IL1RAPL1: variants seen among roughly 807,000 people sequenced by gnomAD.
The protein encoded by IL1RAPL1 is interleukin 1 receptor accessory protein like 1, also known as interleukin-1 receptor accessory protein-like 1.
A neutral mutation model predicts 48.4 loss-of-function variants in IL1RAPL1; 3 were observed. The ratio of observed to expected loss-of-function variants is 0.06; its 90% CI spans 0.03 to 0.16. The LOEUF (loss-of-function observed/expected upper bound fraction) is 0.16. Ranked by LOEUF, IL1RAPL1 falls within the 10% of genes least tolerant of loss-of-function variation. The pLI is 1.00. For synonymous variants in IL1RAPL1, 185 were observed against 187.7 expected (o/e 0.99, Z 0.12); for missense variants, 349 against 530.6 (o/e 0.66, Z 3.36).
chrX:29,095,620 T>G (rs1433865544), intron 2 of IL1RAPL1, among the ~76,000 whole-genome samples: 1 of 111,755 alleles, frequency 8.9e-6, no homozygotes, highest in African/African-American at 3.2e-5. Flanking sequence ...TCATTGCATG[T>G]ATAACATGGT....
intron 1 of IL1RAPL1, among the ~76,000 whole-genome samples, chrX:28,779,634 GTATATATATATATATATATATATA>G (rs1183080798): frequency 1.0e-4 from 4 of 38,343 alleles, no homozygotes; most frequent in Non-Finnish European, 1.3e-4. Flanking sequence ...GTGTGTGTGT[GTATATATATATATATATATATATA>G]TATATATATA....
At chrX:29,012,530 G>A (rs1339176895) in intron 2 of IL1RAPL1, among the ~76,000 whole-genome samples, 2 of 111,575 alleles carry the variant, frequency 1.8e-5, no homozygotes, top group Non-Finnish European at 3.8e-5. Flanking sequence ...GGCAACAAGA[G>A]CGAAGCTGTG....
intron 2 of IL1RAPL1, among the ~76,000 whole-genome samples, chrX:29,131,663 A>T (rs1487510642): frequency 9.0e-6 from 1 of 111,374 alleles, no homozygotes; most frequent in Non-Finnish European, 1.9e-5. Context: ...CTCAAATTTG[A>T]CAGGTGTCAG....
At chrX:29,822,723 T>A (rs983527660) in intron 6 of IL1RAPL1, among the ~76,000 whole-genome samples, 16 of 111,680 alleles carry the variant, frequency 1.4e-4, no homozygotes, top group African/African-American at 4.9e-4. Context: ...GCAGCCTCTA[T>A]AGTGTTTAAA....
intron 6 of IL1RAPL1, among the ~76,000 whole-genome samples, chrX:29,816,762 A>G (rs1911563137): frequency 1.8e-5 from 2 of 109,155 alleles, no homozygotes; most frequent in South Asian, 3.9e-4. Flanking sequence ...AATGTGCCTC[A>G]TTTTCCTTCC....
chrX:29,690,153 G>T (rs1926735197), intron 6 of IL1RAPL1, among the ~76,000 whole-genome samples: 2 of 111,691 alleles, frequency 1.8e-5, no homozygotes, highest in African/African-American at 3.3e-5. Flanking sequence ...ATGGTTGAGT[G>T]GGAGGAAGGT....
At chrX:29,184,935 C>T (rs922638387) in intron 2 of IL1RAPL1, among the ~76,000 whole-genome samples, 2 of 112,070 alleles carry the variant, frequency 1.8e-5, no homozygotes, top group African/African-American at 6.5e-5. Context: ...CCTATTAGTA[C>T]ACTGGACTTG....
intron 3 of IL1RAPL1, among the ~76,000 whole-genome samples, chrX:29,312,998 T>A (rs1932749657): frequency 9.0e-6 from 1 of 111,678 alleles, no homozygotes; most frequent in African/African-American, 3.3e-5. Flanking sequence ...TTAAACCTAT[T>A]TTTCTTCCCA....
intron 2 of IL1RAPL1, among the ~76,000 whole-genome samples, chrX:28,926,544 T>C (rs1381100036): frequency 1.8e-5 from 2 of 111,441 alleles, no homozygotes; most frequent in Non-Finnish European, 3.8e-5. Context: ...ACTTTTCCTC[T>C]CCTAAAATTA....
intron 2 of IL1RAPL1, among the ~76,000 whole-genome samples, chrX:29,011,967 T>C (rs779562252): frequency 8.9e-6 from 1 of 112,271 alleles, no homozygotes; most frequent in African/African-American, 3.2e-5. Context: ...CTATAATCTA[T>C]AAAAGTTATT....
intron 1 of IL1RAPL1, among the ~76,000 whole-genome samples, chrX:28,645,527 AG>A (rs1364275598): frequency 9.1e-6 from 1 of 110,231 alleles, no homozygotes; most frequent in Admixed American, 9.7e-5. Context: ...TGCAGATCAA[AG>A]CTTGGATTTT....
intron 3 of IL1RAPL1, among the ~76,000 whole-genome samples, chrX:29,362,832 T>C (rs1452841113): frequency 8.9e-6 from 1 of 112,395 alleles, no homozygotes; most frequent in Non-Finnish European, 1.9e-5. Flanking sequence ...TGTTAGATCA[T>C]CTAAAACATA....
At position 29,661,412 on chromosome X, in the gene IL1RAPL1, A is replaced by G. The variant is rs923292777; in HGVS notation, c.704-7018A>G. ...TGTCTTGTTCCAGATCTGAGTGGAA[A>G]GGCTTTCAGTGTTTCCCTATTCAGT... On this transcript the variant is annotated intron_variant, in intron 5 of 10. Coordinates refer to ENST00000378993, the MANE Select transcript of IL1RAPL1 (RefSeq NM_014271.4). Among the ~76,000 whole-genome samples, 4 of 112,212 alleles carry G rather than the reference A, an allele frequency of 3.6e-5. No homozygotes were observed. In the Admixed American group the frequency reaches 3.8e-4, roughly 11 times the overall value.
intron 5 of IL1RAPL1, among the ~76,000 whole-genome samples, chrX:29,579,604 A>G (rs942407134): frequency 9.8e-5 from 11 of 112,316 alleles, no homozygotes; most frequent in African/African-American, 3.6e-4. Flanking sequence ...TTTAAAATTC[A>G]TTAGTTAAGG....
At chrX:29,342,490 A>G (rs1010912995) in intron 3 of IL1RAPL1, among the ~76,000 whole-genome samples, 1 of 111,741 alleles carries the variant, frequency 8.9e-6, no homozygotes, top group Non-Finnish European at 1.9e-5. Flanking sequence ...ATGAAGCCAC[A>G]TGTAATTGGA....
At chrX:29,209,463 C>CACTTCA (rs1323821925) in intron 2 of IL1RAPL1, among the ~76,000 whole-genome samples, 1 of 112,178 alleles carries the variant, frequency 8.9e-6, no homozygotes, top group Non-Finnish European at 1.9e-5. Context: ...TATGACTTCT[C>CACTTCA]ACTTCATGGT....
At chrX:28,601,978 G>A (rs766981151) in intron 1 of IL1RAPL1, among the ~76,000 whole-genome samples, 2 of 108,992 alleles carry the variant, frequency 1.8e-5, no homozygotes, top group South Asian at 4.0e-4. Flanking sequence ...GGTGGCGCAC[G>A]CCTGTAATCC....
At chrX:29,333,147 C>G (rs1483580847) in intron 3 of IL1RAPL1, among the ~76,000 whole-genome samples, 1 of 108,749 alleles carries the variant, frequency 9.2e-6, no homozygotes, top group Non-Finnish European at 1.9e-5. Context: ...ATGGCCCATC[C>G]CCAATGAGCC....
chrX:29,194,597 CA>C (rs1239571318), intron 2 of IL1RAPL1, among the ~76,000 whole-genome samples: 2 of 112,254 alleles, frequency 1.8e-5, no homozygotes, highest in African/African-American at 6.5e-5. Flanking sequence ...AAAACAAATA[CA>C]TGTGTTTCAG....
Sources: allele counts gnomAD v4.1 joint callset (sites outside exome capture counted in the v4.1 genomes callset), GRCh38; gene constraint gnomAD v4.1.1; transcripts MANE v1.5; gene names NCBI Gene and HGNC (gene_info 2026-07-23, HGNC 2026-07-21).